The following C2CD3 variants were observed in gnomAD, a reference collection of about 807,000 sequenced individuals.
The protein encoded by C2CD3 is C2 domain containing 3 centriole elongation regulator.
C2CD3 carries 148 observed loss-of-function variants against 234.0 expected under a neutral mutation model. That is an observed-to-expected ratio of 0.63 (90% CI 0.55 to 0.72). C2CD3 has a LOEUF of 0.72. Ranked by LOEUF, C2CD3 falls within the 30% of genes least tolerant of loss-of-function variation. C2CD3 has a pLI of 0.00. For synonymous variants in C2CD3, 1,000 were observed against 1,035.4 expected (o/e 0.97, Z 0.66); for missense variants, 2,577 against 2,811.5 (o/e 0.92, Z 1.89).
intron 32 of C2CD3, among the ~76,000 whole-genome samples, chr11:74,016,074 C>T (rs900977062): frequency 1.3e-5 from 2 of 152,100 alleles, no homozygotes; most frequent in Non-Finnish European, 2.9e-5. Flanking sequence ...AAGACCCTGT[C>T]TCAAAACAAA....
intron 32 of C2CD3, 130 bp downstream of exon 32, chr11:74,028,157 C>T (rs1952379716): frequency 1.5e-6 from 1 of 662,242 alleles, no homozygotes; most frequent in African/African-American, 1.8e-5. Context: ...ATGCTCAGTA[C>T]AAACTTGAGG....
chr11:74,126,006 ACT>A (rs143628792), intron 7 of C2CD3, among the ~76,000 whole-genome samples: 2,653 of 152,054 alleles, frequency 0.017, 32 homozygotes, highest in Non-Finnish European at 0.028. Context: ...TATATGTCTT[ACT>A]CTTTCTTCCT....
In C2CD3 at chr11:74,123,016, A is replaced by G. The variant is rs766239750; in HGVS notation, c.1337T>C (p.Leu446Pro). ...ELNDPQYDQS[L>P]LENLFYTAPK... ...TGCTGTATAAAATAAATTCTCCAGA[A>G]GACTCTGGTCATACTGAGGGTCATT... The change falls in exon 8 of 33, where the codon CTT becomes CCT. Residue 446 changes from leucine (L) to proline (P), a missense_variant. Physicochemically the swap from Leu to Pro is moderately conservative, Grantham distance 98 (BLOSUM62 -3). Coordinates refer to ENST00000334126, the MANE Select transcript of C2CD3 (RefSeq NM_001286577.2). 3.7e-6 allele frequency: 6 copies of G among 1,613,500 alleles called. No individual in the cohort carries two copies. The Admixed American group carries it at 1.0e-4, about 27-fold the overall frequency.
rs1285640958 is a variant in C2CD3 at position 74,150,503 on chromosome 11, A to C, written c.484-10675T>G. On this transcript the variant is annotated intron_variant, in intron 3 of 32. Transcript: ENST00000334126. ...GCAAGACCCTGTCTCAAAAAAAAAA[A>C]AAAAAAAAAAAACAAAAAAAAAACA... Among the ~76,000 whole-genome samples the C allele has an allele frequency of 2.3e-4, 25 of 109,252 alleles. 1 individual carries two copies. Among genetic ancestry groups the C allele is most frequent in the Non-Finnish European group, 4.0e-4 (21 of 52,446 alleles). The allele number at this position is 109,252 out of a possible 152,430, so 71.7% of individuals were successfully genotyped here.
chr11:74,170,597 C>T lies in C2CD3; in HGVS notation c.55+141G>A. The T allele has an allele frequency of 2.1e-6, 2 of 957,744 alleles. 1 individual carries two copies. The highest frequency in any genetic ancestry group is 3.1e-5 in the South Asian group (2 of 64,632). 59.3% of individuals were successfully genotyped at this position (957,744 alleles called of 1,614,324 possible). A position where few individuals can be genotyped will look rare whatever the true frequency, so the allele number is the denominator to read the frequency against. On this transcript the variant is annotated intron_variant, in intron 1 of 32. Coordinates refer to ENST00000334126, the MANE Select transcript of C2CD3 (RefSeq NM_001286577.2). ...ATTCTCTGGAGGGCCAATTGCCCTT[C>T]CTTTTAACCTTCTGGTTCCCTGGCT...
Position 74,107,322 on chromosome 11 carries a change from T to TCTCACACACACACACACACACA in C2CD3, c.1963-830_1963-829insTGTGTGTGTGTGTGTGTGTGAG, listed in dbSNP as rs948551188. Among the ~76,000 whole-genome samples the TCTCACACACACACACACACACA allele has an allele frequency of 1.8e-3, 266 of 146,610 alleles. 2 individuals are homozygous for TCTCACACACACACACACACACA. Among genetic ancestry groups the TCTCACACACACACACACACACA allele is most frequent in the African/African-American group, 6.3e-3 (252 of 39,762 alleles). Reference sequence around the variant, plus strand: ...CCTGGGCAACAAGAATGAAACTGTGTCACACACACACACACACACACACAC... The same window carrying TCTCACACACACACACACACACA: ...CCTGGGCAACAAGAATGAAACTGTGTCTCACACACACACACACACACACACACACACACACACACACACACAC... On this transcript the variant is annotated intron_variant, in intron 12 of 32. Coordinates refer to ENST00000334126, the MANE Select transcript of C2CD3 (RefSeq NM_001286577.2).
At chr11:74,065,687 G>C (rs979288645) in intron 24 of C2CD3, among the ~76,000 whole-genome samples, 7 of 152,084 alleles carry the variant, frequency 4.6e-5, no homozygotes, top group African/African-American at 1.7e-4. Flanking sequence ...TGATAGACTG[G>C]ATTAAGAAAA....
At chr11:74,137,865 C>T (rs548010648) in intron 5 of C2CD3, among the ~76,000 whole-genome samples, 1 of 152,118 alleles carries the variant, frequency 6.6e-6, no homozygotes. Context: ...GGATTACAGG[C>T]GTGAGCCACC....
At chr11:74,050,863 A>G (rs1036926406) in intron 26 of C2CD3, among the ~76,000 whole-genome samples, 3 of 151,584 alleles carry the variant, frequency 2.0e-5, no homozygotes, top group Non-Finnish European at 2.9e-5. Flanking sequence ...TAAACTGGCC[A>G]ACCTAGAGTG....
At position 74,123,072 on chromosome 11, in the gene C2CD3, A is replaced by G; in HGVS notation, c.1281T>C (p.Pro427=). ...GLGSPPDSPS[P]GSDVYCISEL... is the part of the protein sequence containing the mutation. ...CACTGATGCAATACACATCACTCCC[A>G]GGAGATGGGGAATCTGGAGGAGAGC... The change falls in exon 8 of 33, where the codon CCT becomes CCC. Residue 427 remains proline, a synonymous_variant. Transcript: ENST00000334126. 1 of 1,612,564 alleles carries G rather than the reference A, an allele frequency of 6.2e-7. No individual in the cohort carries two copies.
At chr11:74,135,269 C>CT (rs111811054) in intron 5 of C2CD3, among the ~76,000 whole-genome samples, 3,632 of 140,890 alleles carry the variant, frequency 0.026, 129 homozygotes, top group African/African-American at 0.083. Flanking sequence ...TTATTTAAAA[C>CT]TTTTTTTTTT....
chr11:74,036,382 GCA>G, intron 30 of C2CD3: 1 of 454,470 alleles, frequency 2.2e-6, no homozygotes, highest in African/African-American at 2.0e-5. Flanking sequence ...ATAGTGCCTG[GCA>G]CAGATGGTGC....
At chr11:74,018,737 G>T (rs1013310343) in intron 32 of C2CD3, among the ~76,000 whole-genome samples, 2 of 152,196 alleles carry the variant, frequency 1.3e-5, no homozygotes, top group Non-Finnish European at 2.9e-5. Flanking sequence ...GAGCAGAGGG[G>T]AAGTGAGGAC....
Position 74,103,453 on chromosome 11 carries a change from T to C in C2CD3, c.2258A>G (p.His753Arg). ...CTGTGCTTTCTTTGCAGTTTCCTCA[T>C]GAATTTGGTTTAAGTTTTGTGGATT... ...TKNPQNLNQI[H>R]EETAKKAQNL... Residue 753 changes from histidine (H) to arginine (R), a missense_variant, in exon 14 of 33, where the codon CAT (histidine) becomes CGT (arginine). Transcript: ENST00000334126. The C allele has an allele frequency of 1.9e-6, 3 of 1,614,220 alleles. No homozygotes were observed. Among genetic ancestry groups the C allele is most frequent in the Non-Finnish European group, 8.5e-7 (1 of 1,180,034 alleles).
At chr11:74,047,058 G>C (rs765644108) in intron 28 of C2CD3, among the ~76,000 whole-genome samples, 2 of 152,194 alleles carry the variant, frequency 1.3e-5, no homozygotes, top group Non-Finnish European at 2.9e-5. Context: ...GAAAACTAAA[G>C]TAATTAGCCT....
chr11:74,063,171 T>C (rs1615607), intron 24 of C2CD3, among the ~76,000 whole-genome samples: 49,654 of 152,008 alleles, frequency 0.33, 10,564 homozygotes, highest in African/African-American at 0.61. Flanking sequence ...CAGGACCAGA[T>C]GGATTCACAG....
In C2CD3 at chr11:74,028,377, G is replaced by A. The variant is rs1952391115; in HGVS notation, c.6831C>T (p.Pro2277=). Reference sequence around the variant, plus strand: ...ACTGCTGGGGAGGCAAAAAGAAGTTGGGCACCACAATGGGCCCTGGGCTAC... The same window carrying A: ...ACTGCTGGGGAGGCAAAAAGAAGTTAGGCACCACAATGGGCCCTGGGCTAC... The part of the protein sequence containing the change: ...SLLLPGPIVV[P]NFFLPPQQLE... Residue 2277 remains proline, a synonymous_variant, in exon 32 of 33, where the codon CCC becomes CCT. Coordinates refer to ENST00000334126, the MANE Select transcript of C2CD3 (RefSeq NM_001286577.2). 6 of 1,535,932 alleles carry A rather than the reference G, an allele frequency of 3.9e-6. No individual in the cohort carries two copies. The East Asian group carries it at 1.5e-4, about 38-fold the overall frequency.
intron 24 of C2CD3, among the ~76,000 whole-genome samples, chr11:74,063,009 C>T (rs989087955): frequency 6.6e-6 from 1 of 152,158 alleles, no homozygotes; most frequent in Non-Finnish European, 1.5e-5. Flanking sequence ...CATCTCTATG[C>T]AAATAAACTA....
At chr11:74,090,780 G>C (rs759376323) in intron 20 of C2CD3, 33 bp downstream of exon 20, 1 of 1,613,292 alleles carries the variant, frequency 6.2e-7, no homozygotes, top group African/African-American at 1.3e-5. Context: ...CAGTGTAAAA[G>C]GCTTGAGAAT....
Sources: gnomAD v4.1 joint callset for allele counts (sites outside exome capture counted in the v4.1 genomes callset) on GRCh38, gnomAD v4.1.1 for gene constraint, MANE v1.5 for transcripts, NCBI Gene and HGNC (gene_info 2026-07-23, HGNC 2026-07-21) for gene names.